Variants in ZMIZ1 observed in about 807,000 individuals in gnomAD.
The protein encoded by ZMIZ1 is zinc finger MIZ domain-containing protein 1.
Under a neutral mutation model 113.9 loss-of-function variants are expected in ZMIZ1, and 17 were observed. The observed-to-expected ratio is 0.15, with a 90% CI of 0.10 to 0.22. The LOEUF (loss-of-function observed/expected upper bound fraction) is 0.22. Among genes scored for constraint, ZMIZ1 ranks in the 10% least tolerant of loss-of-function variants. The pLI, the probability that ZMIZ1 is intolerant of heterozygous loss-of-function variation, is 1.00. For synonymous variants in ZMIZ1, 607 were observed against 603.1 expected (o/e 1.01, Z -0.09); for missense variants, 1,059 against 1,477.8 (o/e 0.72, Z 4.65).
At chr10:79,096,206 A>G (rs889129499) in intron 1 of ZMIZ1, among the ~76,000 whole-genome samples, 1 of 152,146 alleles carries the variant, frequency 6.6e-6, no homozygotes, top group Non-Finnish European at 1.5e-5. Flanking sequence ...TGTTTGCACA[A>G]GGAGTTAGAA....
intron 5 of ZMIZ1, among the ~76,000 whole-genome samples, chr10:79,208,111 GGGAGGTGGGGT>G (rs983878022): frequency 1.8e-4 from 26 of 143,728 alleles, no homozygotes; most frequent in African/African-American, 6.8e-4. Context: ...AGGTGGATCG[GGGAGGTGGGGT>G]GGAGGTGGGG....
intron 17 of ZMIZ1, 117 bp downstream of exon 17, chr10:79,301,059 C>T (rs1238291489): frequency 2.6e-5 from 37 of 1,420,642 alleles, no homozygotes; most frequent in African/African-American, 1.1e-4. Flanking sequence ...TCACCACCCC[C>T]GTGCCCACAG....
At chr10:79,222,472 C>T (rs548129448) in intron 7 of ZMIZ1, among the ~76,000 whole-genome samples, 2 of 152,184 alleles carry the variant, frequency 1.3e-5, no homozygotes, top group Admixed American at 6.5e-5. Context: ...CGCAGCAGCC[C>T]GAGTCCTGGG....
At chr10:79,280,873 C>T (rs1852692027) in intron 8 of ZMIZ1, among the ~76,000 whole-genome samples, 1 of 152,186 alleles carries the variant, frequency 6.6e-6, no homozygotes, top group African/African-American at 2.4e-5. Context: ...CCGCTGAGCA[C>T]AGGCTGCAGC....
At position 79,313,920 on chromosome 10, in the gene ZMIZ1, GC is replaced by G; in HGVS notation, c.*1175del. 1 of 406,592 alleles carries G rather than the reference GC, an allele frequency of 2.5e-6. No homozygotes were observed. The highest frequency in any genetic ancestry group is 5.0e-6 in the Non-Finnish European group (1 of 200,694). The allele number at this position is 406,592 out of a possible 1,614,324, so 25.2% of individuals were successfully genotyped here. ...AGCCCAGGGCAATGGTGTCTGTCCAGCCCCTCCCTCTGTCCCTGTGCTCCAA... is the reference window on the plus strand; with the variant it reads ...AGCCCAGGGCAATGGTGTCTGTCCAGCCCTCCCTCTGTCCCTGTGCTCCAA... On this transcript the variant is annotated 3_prime_UTR_variant, in exon 25 of 25. Transcript: ENST00000334512.
chr10:79,138,850 G>A (rs937645379), intron 2 of ZMIZ1, among the ~76,000 whole-genome samples: 2 of 152,148 alleles, frequency 1.3e-5, no homozygotes, highest in Middle Eastern at 6.8e-3. Flanking sequence ...TTATTTCAAG[G>A]GCATGATTGC....
intron 7 of ZMIZ1, among the ~76,000 whole-genome samples, chr10:79,237,037 C>T (rs766919644): frequency 1.3e-5 from 2 of 152,156 alleles, no homozygotes. Flanking sequence ...AGTGTGGTGG[C>T]GGGGGCTCCC....
At chr10:79,275,994 A>G (rs141123702) in intron 7 of ZMIZ1, among the ~76,000 whole-genome samples, 5 of 152,312 alleles carry the variant, frequency 3.3e-5, no homozygotes, top group African/African-American at 9.6e-5. Context: ...TTATGATTCA[A>G]AATATGCCTG....
At chr10:79,093,955 C>T (rs1343780165) in intron 1 of ZMIZ1, among the ~76,000 whole-genome samples, 1 of 152,276 alleles carries the variant, frequency 6.6e-6, no homozygotes, top group African/African-American at 2.4e-5. Flanking sequence ...CAGGAAGAAG[C>T]CAATTTGCAT....
chr10:79,204,509 A>G (rs1414682533), intron 5 of ZMIZ1, among the ~76,000 whole-genome samples: 1 of 152,104 alleles, frequency 6.6e-6, no homozygotes, highest in Non-Finnish European at 1.5e-5. Flanking sequence ...GAGCTTGAAC[A>G]CTTCCTGGGC....
chr10:79,087,617 G>T (rs566752602), intron 1 of ZMIZ1, among the ~76,000 whole-genome samples: 6 of 152,224 alleles, frequency 3.9e-5, no homozygotes, highest in South Asian at 2.1e-4. Flanking sequence ...TGAATAAAAG[G>T]CACCCCTGAT....
chr10:79,085,759 C>G (rs1472375670), intron 1 of ZMIZ1, among the ~76,000 whole-genome samples: 1 of 152,220 alleles, frequency 6.6e-6, no homozygotes, highest in African/African-American at 2.4e-5. Flanking sequence ...GAATGAGACT[C>G]TTATTCTGGG....
At chr10:79,218,508 A>C (rs1732929825) in intron 7 of ZMIZ1, among the ~76,000 whole-genome samples, 1 of 150,600 alleles carries the variant, frequency 6.6e-6, no homozygotes, top group Non-Finnish European at 1.5e-5. Context: ...ACAACAACAA[A>C]AAAACCTAGT....
intron 7 of ZMIZ1, among the ~76,000 whole-genome samples, chr10:79,240,467 C>T (rs557044719): frequency 6.6e-6 from 1 of 152,040 alleles, no homozygotes; most frequent in Non-Finnish European, 1.5e-5. Flanking sequence ...TTCTGTAGAC[C>T]GGAGGCGTGT....
intron 14 of ZMIZ1, among the ~76,000 whole-genome samples, chr10:79,298,059 G>C (rs1475445778): frequency 6.6e-6 from 1 of 152,152 alleles, no homozygotes. Context: ...GTGACAGGAG[G>C]CCTGGGCTTC....
intron 1 of ZMIZ1, among the ~76,000 whole-genome samples, chr10:79,075,081 G>C (rs1842424821): frequency 6.6e-6 from 1 of 152,194 alleles, no homozygotes; most frequent in South Asian, 2.1e-4. Context: ...CAGACGGTGG[G>C]GGGACTGTGC....
At chr10:79,127,109 C>G (rs1844545447) in intron 2 of ZMIZ1, among the ~76,000 whole-genome samples, 1 of 152,204 alleles carries the variant, frequency 6.6e-6, no homozygotes. Context: ...TTCCCTCCTG[C>G]TGGGGACAGG....
Position 79,316,405 on chromosome 10 carries a change from G to A in ZMIZ1, c.*3656G>A, listed in dbSNP as rs1338537233. 3 of 152,692 alleles carry A rather than the reference G, an allele frequency of 2.0e-5. No homozygotes were observed. The highest frequency in any genetic ancestry group is 7.2e-5 in the African/African-American group (3 of 41,416). The allele number at this position is 152,692 out of a possible 1,614,324, so 9.5% of individuals were successfully genotyped here. ...TATTAGGTGTTCATGTGGTTATTTTGTATTTAAAGATCAAATTATTTGACT... is the reference window on the plus strand; with the variant it reads ...TATTAGGTGTTCATGTGGTTATTTTATATTTAAAGATCAAATTATTTGACT... On this transcript the variant is annotated 3_prime_UTR_variant, in exon 25 of 25. Transcript: ENST00000334512.
chr10:79,236,351 G>A (rs1049848533), intron 7 of ZMIZ1, among the ~76,000 whole-genome samples: 2 of 152,208 alleles, frequency 1.3e-5, no homozygotes, highest in African/African-American at 4.8e-5. Context: ...AGCCAGGCAG[G>A]CAGACAGTCC....
Sources: allele counts gnomAD v4.1 joint callset (sites outside exome capture counted in the v4.1 genomes callset), GRCh38; gene constraint gnomAD v4.1.1; transcripts MANE v1.5; gene names NCBI Gene and HGNC (gene_info 2026-07-23, HGNC 2026-07-21).